Variants in CCDC138 observed in about 807,000 individuals in gnomAD.
CCDC138 encodes the protein coiled-coil domain-containing protein 138.
CCDC138 carries 66 observed loss-of-function variants against 82.3 expected under a neutral mutation model. The observed-to-expected ratio is 0.80, with a 90% CI of 0.66 to 0.98. The LOEUF (loss-of-function observed/expected upper bound fraction) is 0.98, where lower values mean the gene tolerates loss of function less well. Among genes scored for constraint, CCDC138 ranks in the 50% least tolerant of loss-of-function variants. The pLI is 0.00. For synonymous variants in CCDC138, 297 were observed against 265.4 expected (o/e 1.12, Z -1.16); for missense variants, 816 against 758.9 (o/e 1.08, Z -0.88).
At chr2:108,846,221 A>C (rs13009852) in intron 11 of CCDC138, among the ~76,000 whole-genome samples, 108,601 of 152,038 alleles carry the variant, frequency 0.71, 41,818 homozygotes, top group East Asian at 0.9. Flanking sequence ...CTGTGTCAGA[A>C]ATATAGCATG....
In CCDC138 at chr2:108,803,624, C is replaced by T. The variant is rs76687858; in HGVS notation, c.736-1265C>T. Among the ~76,000 whole-genome samples the T allele has an allele frequency of 9.3e-3, 1,414 of 152,212 alleles. 27 individuals carry two copies. Among genetic ancestry groups the T allele is most frequent in the African/African-American group, 0.033 (1,351 of 41,536 alleles). ...CCAGCTAGTGGAAGTTTTTGTTCTACTTCTCCATGTCTGGGACCCACCCTG... is the reference window on the plus strand; with the variant it reads ...CCAGCTAGTGGAAGTTTTTGTTCTATTTCTCCATGTCTGGGACCCACCCTG... On this transcript the variant is annotated intron_variant, in intron 6 of 14. Coordinates refer to ENST00000295124, the MANE Select transcript of CCDC138 (RefSeq NM_144978.3).
chr2:108,817,299 CTTTTTT>C (rs35517828), intron 10 of CCDC138, among the ~76,000 whole-genome samples: 1 of 144,196 alleles, frequency 6.9e-6, no homozygotes, highest in Non-Finnish European at 1.5e-5. Flanking sequence ...AATCTTTTTT[CTTTTTT>C]TTTTTTGAGG....
chr2:108,852,447 A>G (rs1691667168), intron 12 of CCDC138, among the ~76,000 whole-genome samples: 1 of 152,206 alleles, frequency 6.6e-6, no homozygotes, highest in South Asian at 2.1e-4. Flanking sequence ...GGACACATGC[A>G]TGTGTTGTGT....
intron 11 of CCDC138, among the ~76,000 whole-genome samples, chr2:108,843,366 C>T (rs1464560298): frequency 6.6e-6 from 1 of 152,196 alleles, no homozygotes; most frequent in Non-Finnish European, 1.5e-5. Flanking sequence ...CCATGTTGGC[C>T]AGGCTGGTCT....
chr2:108,870,363 C>T (rs749353881), intron 13 of CCDC138, among the ~76,000 whole-genome samples: 6 of 152,214 alleles, frequency 3.9e-5, no homozygotes, highest in South Asian at 2.1e-4. Context: ...GAAGGACTTA[C>T]GCAGTACCAT....
intron 6 of CCDC138, among the ~76,000 whole-genome samples, chr2:108,802,471 A>G (rs1399375682): frequency 8.4e-5 from 12 of 143,072 alleles, no homozygotes; most frequent in African/African-American, 2.8e-4. Context: ...ATTTTTGTAC[A>G]TTGATTTTGT....
At position 108,864,278 on chromosome 2, in the gene CCDC138, TTTTA is replaced by T. The variant is rs527973259; in HGVS notation, c.1693+7319_1693+7322del. ...AATATCCAGATGATGAACACGCTAT[TTTTA>T]TTTATTTATTAAAAAAAGATTAAAG... On this transcript the variant is annotated intron_variant, in intron 13 of 14. Coordinates refer to ENST00000295124, the MANE Select transcript of CCDC138 (RefSeq NM_144978.3). Among the ~76,000 whole-genome samples the T allele has an allele frequency of 6.5e-3, 983 of 152,336 alleles. 11 individuals are homozygous for T. Among genetic ancestry groups the T allele is most frequent in the African/African-American group, 0.021 (868 of 41,572 alleles).
At chr2:108,790,575 GC>G (rs201340427) in intron 3 of CCDC138, among the ~76,000 whole-genome samples, 2,059 of 152,244 alleles carry the variant, frequency 0.014, 56 homozygotes, top group African/African-American at 0.048. Flanking sequence ...GGTGGCGGGT[GC>G]CTGTAGTCCC....
intron 11 of CCDC138, among the ~76,000 whole-genome samples, chr2:108,844,721 C>T (rs530495631): frequency 6.6e-6 from 1 of 151,296 alleles, no homozygotes; most frequent in Admixed American, 6.6e-5. Flanking sequence ...TTCTCTTTTC[C>T]TTCAATTAAA....
chr2:108,843,401 A>T (rs1574178949), intron 11 of CCDC138, among the ~76,000 whole-genome samples: 1 of 152,168 alleles, frequency 6.6e-6, no homozygotes, highest in Middle Eastern at 3.4e-3. Context: ...CAAGTGATCC[A>T]CCTGCCGTGG....
intron 4 of CCDC138, among the ~76,000 whole-genome samples, chr2:108,793,844 C>T (rs1241732113): frequency 6.6e-6 from 1 of 151,840 alleles, no homozygotes; most frequent in African/African-American, 2.4e-5. Context: ...CCTCATGATC[C>T]GCCCGCCTCG....
chr2:108,865,316 T>G (rs1426309689), intron 13 of CCDC138, among the ~76,000 whole-genome samples: 1 of 152,182 alleles, frequency 6.6e-6, no homozygotes, highest in East Asian at 1.9e-4. Context: ...TATACAAAAC[T>G]TAAGTGTGTA....
chr2:108,833,507 A>T (rs187433757), intron 10 of CCDC138, among the ~76,000 whole-genome samples: 2 of 152,338 alleles, frequency 1.3e-5, no homozygotes, highest in Admixed American at 1.3e-4. Context: ...ACAATGCCAG[A>T]TGAATTTAGT....
intron 3 of CCDC138, among the ~76,000 whole-genome samples, chr2:108,790,039 G>A (rs1245774610): frequency 6.6e-6 from 1 of 152,108 alleles, no homozygotes; most frequent in Non-Finnish European, 1.5e-5. Context: ...GTATTTGGGA[G>A]CTTGACTTTT....
intron 1 of CCDC138, among the ~76,000 whole-genome samples, chr2:108,787,621 G>A (rs1042243718): frequency 6.6e-6 from 1 of 152,164 alleles, no homozygotes; most frequent in South Asian, 2.1e-4. Context: ...GTGCAGATCC[G>A]ACCCAAGAAC....
intron 6 of CCDC138, among the ~76,000 whole-genome samples, chr2:108,799,436 T>TA (rs1456737453): frequency 6.6e-6 from 1 of 152,220 alleles, no homozygotes; most frequent in Non-Finnish European, 1.5e-5. Flanking sequence ...GCAGTTCCCT[T>TA]ACGCTCTCTT....
At chr2:108,787,801 G>T (rs1053590242) in intron 1 of CCDC138, among the ~76,000 whole-genome samples, 1 of 151,738 alleles carries the variant, frequency 6.6e-6, no homozygotes. Flanking sequence ...GATTGATTAT[G>T]CATTTTTGGC....
intron 12 of CCDC138, among the ~76,000 whole-genome samples, chr2:108,848,640 T>C (rs1308628149): frequency 6.6e-6 from 1 of 152,238 alleles, no homozygotes; most frequent in African/African-American, 2.4e-5. Context: ...GTTGAGGAAG[T>C]GTTAGGGAAA....
At chr2:108,814,250 G>T (rs946971402) in intron 9 of CCDC138, among the ~76,000 whole-genome samples, 2 of 152,082 alleles carry the variant, frequency 1.3e-5, no homozygotes, top group South Asian at 2.1e-4. Flanking sequence ...CAAAGTTTTG[G>T]TTGCTCCACA....
Sources: gnomAD v4.1 joint callset for allele counts (sites outside exome capture counted in the v4.1 genomes callset) on GRCh38, gnomAD v4.1.1 for gene constraint, MANE v1.5 for transcripts, NCBI Gene and HGNC (gene_info 2026-07-23, HGNC 2026-07-21) for gene names.